Variants in CCDC148 observed in about 807,000 individuals in gnomAD.
The protein encoded by CCDC148 is coiled-coil domain-containing protein 148.
A neutral mutation model predicts 85.7 loss-of-function variants in CCDC148; 89 were observed. The observed-to-expected ratio is 1.04, with a 90% confidence interval of 0.87 to 1.24. CCDC148 has a LOEUF of 1.24. Among genes scored for constraint, CCDC148 ranks in the 50% most tolerant of loss-of-function variants. The probability of loss-of-function intolerance (pLI) is 0.00; values close to 1 mark genes in which losing one functional copy is unlikely to be tolerated. For synonymous variants in CCDC148, 230 were observed against 213.9 expected (o/e 1.08, Z -0.66); for missense variants, 692 against 671.7 (o/e 1.03, Z -0.33).
At chr2:158,237,234 T>C (rs1170074462) in intron 10 of CCDC148, among the ~76,000 whole-genome samples, 1 of 152,036 alleles carries the variant, frequency 6.6e-6, no homozygotes, top group African/African-American at 2.4e-5. Context: ...AGCAGAGAGG[T>C]AGATCACACA....
chr2:158,175,118 G>A (rs993993546), intron 13 of CCDC148, among the ~76,000 whole-genome samples: 2 of 151,934 alleles, frequency 1.3e-5, no homozygotes, highest in Non-Finnish European at 2.9e-5. Context: ...GACATACTAG[G>A]AAAAAGCCTT....
intron 2 of CCDC148, among the ~76,000 whole-genome samples, chr2:158,354,171 GAA>G (rs1297835484): frequency 2.6e-5 from 4 of 151,756 alleles, no homozygotes; most frequent in African/African-American, 9.7e-5. Context: ...AAAAGAACTA[GAA>G]AAGCAAGAGC....
chr2:158,367,806 C>T (rs1684267963), intron 1 of CCDC148, among the ~76,000 whole-genome samples: 1 of 152,048 alleles, frequency 6.6e-6, no homozygotes, highest in African/African-American at 2.4e-5. Flanking sequence ...TTTCTACTTG[C>T]CTTTCAAAAA....
intron 11 of CCDC148, among the ~76,000 whole-genome samples, chr2:158,211,133 A>G (rs1401054615): frequency 1.3e-5 from 2 of 152,166 alleles, no homozygotes; most frequent in Admixed American, 6.5e-5. Flanking sequence ...GTGTATACCT[A>G]TGTAACCAAC....
chr2:158,277,253 T>G (rs1436911443), intron 9 of CCDC148, among the ~76,000 whole-genome samples: 1 of 152,196 alleles, frequency 6.6e-6, no homozygotes, highest in African/African-American at 2.4e-5. Context: ...CAGTACAGTA[T>G]ACAACTTCAA....
At chr2:158,240,452 T>TCTCACACACACACA (rs941238898) in intron 10 of CCDC148, among the ~76,000 whole-genome samples, 15 of 120,466 alleles carry the variant, frequency 1.2e-4, no homozygotes, top group African/African-American at 3.7e-4. Flanking sequence ...TCTCTCTCTC[T>TCTCACACACACACA]CACACACACA....
At chr2:158,387,803 T>C (rs1685152480) in intron 1 of CCDC148, among the ~76,000 whole-genome samples, 1 of 152,232 alleles carries the variant, frequency 6.6e-6, no homozygotes, top group Non-Finnish European at 1.5e-5. Flanking sequence ...CACCCCCACC[T>C]TGCTTGTGCT....
At chr2:158,367,408 G>A (rs1446792026) in intron 1 of CCDC148, among the ~76,000 whole-genome samples, 1 of 152,066 alleles carries the variant, frequency 6.6e-6, no homozygotes, top group Non-Finnish European at 1.5e-5. Flanking sequence ...GGTTAGTTGT[G>A]TAGTTTTCTT....
intron 10 of CCDC148, among the ~76,000 whole-genome samples, chr2:158,228,702 G>A (rs541012423): frequency 9.3e-5 from 14 of 150,030 alleles, no homozygotes; most frequent in East Asian, 2.0e-4. Context: ...GCAATCTATC[G>A]CAAGGACAAA....
At chr2:158,280,306 G>T (rs62182647) in intron 9 of CCDC148, among the ~76,000 whole-genome samples, 4 of 152,152 alleles carry the variant, frequency 2.6e-5, no homozygotes, top group South Asian at 2.1e-4. Context: ...TGGACTAAAT[G>T]CTCCAATTAA....
chr2:158,275,062 AAGG>A (rs914324834), intron 9 of CCDC148, among the ~76,000 whole-genome samples: 1 of 152,230 alleles, frequency 6.6e-6, no homozygotes, highest in Non-Finnish European at 1.5e-5. Flanking sequence ...GAACAAGGAA[AAGG>A]AGGAGGAGGA....
At chr2:158,265,143 T>A (rs1403811730) in intron 9 of CCDC148, among the ~76,000 whole-genome samples, 1 of 152,148 alleles carries the variant, frequency 6.6e-6, no homozygotes, top group African/African-American at 2.4e-5. Flanking sequence ...ATGTATTAAA[T>A]AGAACATATA....
At chr2:158,408,481 C>A (rs1686119647) in intron 1 of CCDC148, among the ~76,000 whole-genome samples, 1 of 152,068 alleles carries the variant, frequency 6.6e-6, no homozygotes, top group African/African-American at 2.4e-5. Context: ...GATCATGAAG[C>A]ATTTGTCTTT....
At chr2:158,196,298 T>G (rs1184657058) in intron 11 of CCDC148, among the ~76,000 whole-genome samples, 1 of 152,168 alleles carries the variant, frequency 6.6e-6, no homozygotes, top group Non-Finnish European at 1.5e-5. Context: ...AGAAATAATA[T>G]ATGAGAGTAT....
chr2:158,396,459 C>A (rs1489913933), intron 1 of CCDC148, among the ~76,000 whole-genome samples: 1 of 152,076 alleles, frequency 6.6e-6, no homozygotes, highest in Non-Finnish European at 1.5e-5. Flanking sequence ...TGGGCCCTGT[C>A]CACCAACTTT....
At chr2:158,293,998 CTCCCTCCT>C (rs1691033496) in intron 9 of CCDC148, among the ~76,000 whole-genome samples, 10 of 52,938 alleles carry the variant, frequency 1.9e-4, no homozygotes, top group African/African-American at 3.2e-4. Context: ...CCCTCCCTCC[CTCCCTCCT>C]TCCTTCCTTC....
intron 1 of CCDC148, among the ~76,000 whole-genome samples, chr2:158,364,058 T>C (rs376726445): frequency 1.5e-4 from 22 of 142,730 alleles, no homozygotes; most frequent in East Asian, 6.3e-4. Flanking sequence ...CTCCCATTCA[T>C]AATTGCTACA....
At chr2:158,366,152 A>G in intron 1 of CCDC148, 8 of 1,146,324 alleles carry the variant, frequency 7.0e-6, no homozygotes, top group Non-Finnish European at 9.7e-6. Flanking sequence ...TACTTGAAGT[A>G]TTTTTAAAAG....
chr2:158,358,962 T>C (rs936280961), intron 1 of CCDC148, among the ~76,000 whole-genome samples: 1 of 152,166 alleles, frequency 6.6e-6, no homozygotes. Flanking sequence ...AATCAAATTA[T>C]ATAAACAGAT....
Sources: allele counts gnomAD v4.1 joint callset (sites outside exome capture counted in the v4.1 genomes callset), GRCh38; gene constraint gnomAD v4.1.1; transcripts MANE v1.5; gene names NCBI Gene and HGNC (gene_info 2026-07-23, HGNC 2026-07-21).